DLGAP2: variants seen among roughly 807,000 people sequenced by gnomAD.
DLGAP2 encodes DLG associated protein 2.
Under a neutral mutation model 100.3 loss-of-function variants are expected in DLGAP2, and 26 were observed. The ratio of observed to expected loss-of-function variants is 0.26; its 90% CI spans 0.19 to 0.36. The LOEUF (loss-of-function observed/expected upper bound fraction) is 0.36, where lower values mean the gene tolerates loss of function less well. Ranked by LOEUF, DLGAP2 falls within the 10% of genes least tolerant of loss-of-function variation. The probability of loss-of-function intolerance (pLI) is 1.00; values close to 1 mark genes in which losing one functional copy is unlikely to be tolerated. For synonymous variants in DLGAP2, 886 were observed against 630.1 expected (o/e 1.41, Z -6.08); for missense variants, 1,858 against 1,453.2 (o/e 1.28, Z -4.53).
At chr8:783,556 A>G (rs1821758030) in intron 1 of DLGAP2, among the ~76,000 whole-genome samples, 2 of 152,216 alleles carry the variant, frequency 1.3e-5, no homozygotes, top group South Asian at 4.1e-4. Flanking sequence ...TCAGTGGCAC[A>G]TCAGGTTTCT....
intron 1 of DLGAP2, among the ~76,000 whole-genome samples, chr8:830,776 C>T (rs764095859): frequency 6.6e-6 from 1 of 151,860 alleles, no homozygotes; most frequent in Non-Finnish European, 1.5e-5. Flanking sequence ...ATTTTTGTTT[C>T]TCATGTTGCC....
intron 2 of DLGAP2, among the ~76,000 whole-genome samples, chr8:1,167,174 C>G (rs989372734): frequency 9.2e-5 from 14 of 152,054 alleles, no homozygotes; most frequent in Non-Finnish European, 1.9e-4. Context: ...GTAAAAGCCT[C>G]CTGACTTACA....
chr8:790,150 A>C (rs1345255526), intron 1 of DLGAP2, among the ~76,000 whole-genome samples: 1 of 152,104 alleles, frequency 6.6e-6, no homozygotes, highest in Non-Finnish European at 1.5e-5. Context: ...ACAGGGGAGG[A>C]GTTTGGATCT....
At chr8:1,569,359 G>C (rs1802561745) in intron 6 of DLGAP2, among the ~76,000 whole-genome samples, 1 of 152,220 alleles carries the variant, frequency 6.6e-6, no homozygotes, top group South Asian at 2.1e-4. Context: ...CTGACGCCGT[G>C]TTGTAGATAA....
At chr8:1,493,571 GA>G in intron 3 of DLGAP2, among the ~76,000 whole-genome samples, 1 of 152,368 alleles carries the variant, frequency 6.6e-6, no homozygotes, top group East Asian at 1.9e-4. Flanking sequence ...GGGTCCTGGT[GA>G]AGTTTCCCAG....
chr8:979,575 G>A (rs1005501004), intron 2 of DLGAP2, among the ~76,000 whole-genome samples: 3 of 152,186 alleles, frequency 2.0e-5, no homozygotes, highest in Admixed American at 6.5e-5. Flanking sequence ...TTTTGCACCT[G>A]CCTGTAATGA....
intron 3 of DLGAP2, among the ~76,000 whole-genome samples, chr8:1,260,326 G>A (rs1047597851): frequency 6.6e-5 from 10 of 151,964 alleles, no homozygotes; most frequent in Non-Finnish European, 8.8e-5. Flanking sequence ...AGAGTTTTCA[G>A]TGTGTGAGAG....
chr8:790,707 C>T (rs975493874), intron 1 of DLGAP2, among the ~76,000 whole-genome samples: 11 of 152,220 alleles, frequency 7.2e-5, no homozygotes, highest in Admixed American at 2.6e-4. Context: ...ATAAATCCAT[C>T]GGCTATTTCT....
chr8:802,775 C>G (rs1338472570), intron 1 of DLGAP2, among the ~76,000 whole-genome samples: 1 of 152,166 alleles, frequency 6.6e-6, no homozygotes, highest in African/African-American at 2.4e-5. Context: ...CATCTAAGAT[C>G]TCTTCAGGTC....
At chr8:1,411,726 C>G (rs1041492615) in intron 3 of DLGAP2, among the ~76,000 whole-genome samples, 1 of 152,212 alleles carries the variant, frequency 6.6e-6, no homozygotes, top group African/African-American at 2.4e-5. Flanking sequence ...TGCGTGTCTA[C>G]TTCATTTAAG....
intron 1 of DLGAP2, among the ~76,000 whole-genome samples, chr8:867,215 A>T (rs940344687): frequency 7.9e-5 from 12 of 152,236 alleles, no homozygotes; most frequent in African/African-American, 1.4e-4. Context: ...TGCAAGAAAA[A>T]TGCTGAGTTT....
At chr8:1,036,458 G>A (rs979448985) in intron 2 of DLGAP2, among the ~76,000 whole-genome samples, 1 of 152,252 alleles carries the variant, frequency 6.6e-6, no homozygotes, top group Non-Finnish European at 1.5e-5. Context: ...CGGGGTGTGG[G>A]TGGCAGCTGT....
At chr8:1,302,831 G>C (rs1343623593) in intron 3 of DLGAP2, among the ~76,000 whole-genome samples, 1 of 152,264 alleles carries the variant, frequency 6.6e-6, no homozygotes, top group African/African-American at 2.4e-5. Flanking sequence ...CACGCCTGAC[G>C]GCGCCGCTGG....
chr8:1,195,818 C>T lies in DLGAP2; in HGVS notation c.74-63033C>T, dbSNP rs115003159. 4.8e-3 allele frequency among the ~76,000 whole-genome samples: 733 copies of T among 152,312 alleles called. 9 individuals are homozygous for T. Among genetic ancestry groups the T allele is most frequent in the African/African-American group, 0.017 (687 of 41,566 alleles). ...GTTCCCCGGAGTGCGTGACCTGCTC[C>T]GAGGCCTTGCAGCGGTAGATACGTT... On this transcript the variant is annotated intron_variant, in intron 2 of 14. Coordinates refer to ENST00000637795, the MANE Select transcript of DLGAP2 (RefSeq NM_001346810.2).
chr8:1,569,060 C>G (rs1802548505), intron 6 of DLGAP2, among the ~76,000 whole-genome samples: 1 of 150,264 alleles, frequency 6.7e-6, no homozygotes, highest in African/African-American at 2.5e-5. Context: ...ATGCCACTGC[C>G]CACTCAGCAG....
intron 9 of DLGAP2, 45 bp downstream of exon 9, chr8:1,668,723 C>A: frequency 1.4e-6 from 2 of 1,459,248 alleles, no homozygotes; most frequent in Non-Finnish European, 1.8e-6. Context: ...CCACTCAGTC[C>A]TGCCAATAGC....
chr8:857,782 G>T (rs1281396911), intron 1 of DLGAP2, among the ~76,000 whole-genome samples: 1 of 152,142 alleles, frequency 6.6e-6, no homozygotes, highest in East Asian at 1.9e-4. Context: ...CCTTACAACA[G>T]TGCACATTTG....
chr8:948,464 C>G (rs1168495308), intron 2 of DLGAP2, among the ~76,000 whole-genome samples: 1 of 152,238 alleles, frequency 6.6e-6, no homozygotes, highest in Non-Finnish European at 1.5e-5. Context: ...CGGCCTCCAT[C>G]TCTCCCACCA....
chr8:852,576 A>G (rs1051350530), intron 1 of DLGAP2, among the ~76,000 whole-genome samples: 1 of 152,220 alleles, frequency 6.6e-6, no homozygotes, highest in Admixed American at 6.5e-5. Context: ...GTAAATGAGC[A>G]AATCAACATC....
Sources: allele counts gnomAD v4.1 joint callset (sites outside exome capture counted in the v4.1 genomes callset), GRCh38; gene constraint gnomAD v4.1.1; transcripts MANE v1.5; gene names NCBI Gene and HGNC (gene_info 2026-07-23, HGNC 2026-07-21).